The following ACTR3C variants were observed in gnomAD, a reference collection of about 807,000 sequenced individuals.
The protein encoded by ACTR3C is actin related protein 3C.
A neutral mutation model predicts 26.3 loss-of-function variants in ACTR3C; 18 were observed. The ratio of observed to expected loss-of-function variants is 0.68; its 90% confidence interval spans 0.47 to 1.01. ACTR3C has a LOEUF of 1.01. Ranked by LOEUF, ACTR3C falls within the 50% of genes least tolerant of loss-of-function variation. ACTR3C has a pLI of 0.00. For missense variants in ACTR3C, 184 were observed against 250.7 expected, an observed-to-expected ratio of 0.73 and a Z score of 1.80; for synonymous variants, 55 against 94.5, an observed-to-expected ratio of 0.58 and a Z score of 2.42.
the ACTR3C span, among the ~76,000 whole-genome samples, chr7:150,112,215 C>A: frequency 3.3e-5 from 5 of 151,956 alleles, no homozygotes; most frequent in Non-Finnish European, 5.9e-5. Flanking sequence ...CCCCCGATGC[C>A]CTCCTTGACT....
chr7:150,035,570 G>A, the ACTR3C span, among the ~76,000 whole-genome samples: 80 of 134,576 alleles, frequency 5.9e-4, 3 homozygotes, highest in African/African-American at 1.8e-3. Flanking sequence ...AGAGCCGGGG[G>A]GGAAGAGGGA....
the ACTR3C span, among the ~76,000 whole-genome samples, chr7:149,904,530 C>CAAA: frequency 2.0e-5 from 2 of 101,476 alleles, 1 homozygote; most frequent in African/African-American, 5.4e-5. Context: ...GACTCCATCT[C>CAAA]AAAAAACAAC....
At chr7:150,226,475 C>T in the ACTR3C span, among the ~76,000 whole-genome samples, 6 of 152,044 alleles carry the variant, frequency 3.9e-5, no homozygotes, top group East Asian at 1.9e-4. Context: ...TTGCTCTTGT[C>T]GCCTAGACTG....
chr7:149,965,008 T>A, the ACTR3C span, among the ~76,000 whole-genome samples: 5 of 152,170 alleles, frequency 3.3e-5, no homozygotes, highest in East Asian at 9.6e-4. Context: ...GTTGTGTGTA[T>A]GTAAGAGTGT....
intron 1 of ACTR3C, among the ~76,000 whole-genome samples, chr7:150,322,377 A>T (rs1585032149): frequency 6.6e-6 from 1 of 152,286 alleles, no homozygotes; most frequent in Non-Finnish European, 1.5e-5. Context: ...GCAGTAAAGA[A>T]GCTGGCTAAA....
chr7:150,159,484 G>A, the ACTR3C span, among the ~76,000 whole-genome samples: 1 of 152,080 alleles, frequency 6.6e-6, no homozygotes, highest in Non-Finnish European at 1.5e-5. Flanking sequence ...GGCGGACAAC[G>A]TCTCTGTCTA....
At chr7:149,953,971 A>G in the ACTR3C span, among the ~76,000 whole-genome samples, 1 of 140,154 alleles carries the variant, frequency 7.1e-6, no homozygotes, top group Non-Finnish European at 1.5e-5. Flanking sequence ...AACTTCATTT[A>G]TGGCTGACAA....
the ACTR3C span, among the ~76,000 whole-genome samples, chr7:150,198,905 C>G: frequency 1.4e-5 from 2 of 147,228 alleles, no homozygotes; most frequent in African/African-American, 2.6e-5. Context: ...CTCTGCCCAG[C>G]CAGCCGCCCC....
the ACTR3C span, among the ~76,000 whole-genome samples, chr7:150,190,733 G>T: frequency 7.9e-5 from 12 of 152,102 alleles, no homozygotes; most frequent in Non-Finnish European, 1.6e-4. Context: ...TTCTCATGCT[G>T]CTAACAAAGA....
chr7:150,178,444 G>A, the ACTR3C span, among the ~76,000 whole-genome samples: 6 of 150,046 alleles, frequency 4.0e-5, no homozygotes, highest in Admixed American at 1.3e-4. Context: ...CACCATGCCC[G>A]GCTAATGTTT....
chr7:150,171,278 CT>C, the ACTR3C span, among the ~76,000 whole-genome samples: 2 of 148,662 alleles, frequency 1.3e-5, no homozygotes, highest in Non-Finnish European at 2.9e-5. Flanking sequence ...TGTGATATGA[CT>C]GTAATGAAAA....
the ACTR3C span, among the ~76,000 whole-genome samples, chr7:150,124,309 G>C: frequency 6.6e-6 from 1 of 152,124 alleles, no homozygotes; most frequent in Non-Finnish European, 1.5e-5. Context: ...TTAAACGTAC[G>C]AGTGCAGTTT....
chr7:150,037,109 G>T, the ACTR3C span, among the ~76,000 whole-genome samples: 1 of 108,556 alleles, frequency 9.2e-6, no homozygotes, highest in African/African-American at 3.2e-5. Context: ...AAGAGCCAGG[G>T]GGGGAAGAGG....
At chr7:150,195,591 A>T in the ACTR3C span, among the ~76,000 whole-genome samples, 1 of 152,120 alleles carries the variant, frequency 6.6e-6, no homozygotes, top group South Asian at 2.1e-4. Flanking sequence ...AGATCACTTC[A>T]GGGGGGGCCA....
At chr7:150,135,102 T>C in the ACTR3C span, among the ~76,000 whole-genome samples, 8 of 152,028 alleles carry the variant, frequency 5.3e-5, no homozygotes, top group Non-Finnish European at 5.9e-5. Context: ...GAAACCCCGT[T>C]TCTACTAAAA....
chr7:150,166,187 TACAA>T, the ACTR3C span, among the ~76,000 whole-genome samples: 44 of 151,504 alleles, frequency 2.9e-4, no homozygotes, highest in Admixed American at 1.2e-3. Flanking sequence ...ACATAAGCTC[TACAA>T]ACAGCTTAAA....
chr7:150,307,792 C>G (rs1412842930), intron 1 of ACTR3C, among the ~76,000 whole-genome samples: 1 of 152,222 alleles, frequency 6.6e-6, no homozygotes, highest in African/African-American at 2.4e-5. Flanking sequence ...AATCCACTTA[C>G]AACCTCAGGT....
chr7:149,928,882 G>C, the ACTR3C span, among the ~76,000 whole-genome samples: 1 of 151,946 alleles, frequency 6.6e-6, no homozygotes, highest in Non-Finnish European at 1.5e-5. Context: ...ATGGGAGTCA[G>C]CCTGAATGAG....
the ACTR3C span, among the ~76,000 whole-genome samples, chr7:150,158,459 T>C: frequency 6.6e-6 from 1 of 152,128 alleles, no homozygotes; most frequent in Non-Finnish European, 1.5e-5. Context: ...AAGAATCCAT[T>C]GATAGATGAA....
Sources: gnomAD v4.1 joint callset for allele counts (sites outside exome capture counted in the v4.1 genomes callset) on GRCh38, gnomAD v4.1.1 for gene constraint, MANE v1.5 for transcripts, NCBI Gene and HGNC (gene_info 2026-07-23, HGNC 2026-07-21) for gene names.